MCOLN1: variants seen among roughly 807,000 people sequenced by gnomAD.
The protein encoded by MCOLN1 is mucolipin-1.
MCOLN1 carries 50 observed loss-of-function variants against 70.3 expected under a neutral mutation model. The ratio of observed to expected loss-of-function variants is 0.71; its 90% CI spans 0.57 to 0.90. The LOEUF is 0.90. Ranked by LOEUF, MCOLN1 falls within the 40% of genes least tolerant of loss-of-function variation. MCOLN1 has a pLI of 0.00. For synonymous variants in MCOLN1, 366 were observed against 341.0 expected, an observed-to-expected ratio of 1.07 and a Z score of -0.81; for missense variants, 598 against 803.5, an observed-to-expected ratio of 0.74 and a Z score of 3.09.
chr19:7,529,496 G>T, intron 10 of MCOLN1, 94 bp from the exon 11 acceptor site: 2 of 1,324,984 alleles, frequency 1.5e-6, no homozygotes, highest in Non-Finnish European at 1.0e-6. Context: ...TGTGCCCTCG[G>T]CAAGGCCCCG....
rs1283545100 is a variant in MCOLN1, at chr19:7,528,649, C to G, written c.930C>G (p.Ser310=). 6.2e-7 allele frequency: 1 copy of G among 1,614,224 alleles called. No homozygotes were observed. The highest frequency in any genetic ancestry group is 1.7e-5 in the Admixed American group (1 of 60,034). The change falls in exon 8 of 14, where the codon TCC becomes TCG. Residue 310 remains serine (S), a synonymous_variant. Coordinates refer to ENST00000264079, the MANE Select transcript of MCOLN1 (RefSeq NM_020533.3). The surrounding 1 kb of genome is among the most constrained non-coding windows in gnomAD (Gnocchi z 4.2). The part of the protein sequence containing the change: ...LFDVVVILTC[S]LSFLLCARSL... The stretch of plus-strand genomic sequence containing the variant: ...ACGTGGTGGTCATCCTCACCTGCTC[C>G]CTGTCCTTCCTCCTCTGCGCCCGCT...
Position 7,526,688 on chromosome 19 carries a change from G to T in MCOLN1, c.406-73G>T, listed in dbSNP as rs2022574351. The stretch of plus-strand genomic sequence containing the variant: ...GCAGTTGGGCGGGCAGGTGCTGGTG[G>T]GCGGGCAGGTGCAGGTGGGTGGGCT... On this transcript the variant is annotated intron_variant, in intron 3 of 13. Transcript: ENST00000264079. The surrounding 1 kb of genome is among the most constrained non-coding windows in gnomAD (Gnocchi z 4.6). 2 of 1,601,400 alleles carry T rather than the reference G, an allele frequency of 1.2e-6. No individual in the cohort carries two copies. The highest frequency in any genetic ancestry group is 1.7e-6 in the Non-Finnish European group (2 of 1,178,592).
Position 7,526,023 on chromosome 19 carries a change from T to C in MCOLN1, c.238-416T>C. The C allele has an allele frequency of 3.3e-6, 1 of 307,506 alleles. No homozygotes were observed. The highest frequency in any genetic ancestry group is 3.0e-5 in the South Asian group (1 of 33,804). The allele number at this position is 307,506 out of a possible 1,614,324, so 19.0% of individuals were successfully genotyped here. A position where few individuals can be genotyped will look rare whatever the true frequency, so the allele number is the denominator to read the frequency against. ...GTTGTAGTGAGCTGAGATCATACCA[T>C]GGCACTCCAACTTGGGCAACAGAGT... is the stretch of plus-strand genomic sequence containing the variant. On this transcript the variant is annotated intron_variant, in intron 2 of 13. Coordinates refer to ENST00000264079, the MANE Select transcript of MCOLN1 (RefSeq NM_020533.3). The surrounding 1 kb of genome is among the most constrained non-coding windows in gnomAD (Gnocchi z 4.6).
In MCOLN1 at chr19:7,525,032, C is replaced by T. The variant is rs2022548124; in HGVS notation, c.103C>T (p.Pro35Ser). ...GGGGCCTTCACCGGCCCCTCCGACA[C>T]CCCCAGAAGAGGAAGACCTTCGCCG... is the stretch of plus-strand genomic sequence containing the variant. ...QAGPSPAPPT[P>S]PEEEDLRRRL... is the part of the protein sequence containing the mutation. The change falls in exon 2 of 14, where the codon CCC becomes TCC. Residue 35 changes from proline (P) to serine (S), a missense_variant. Physicochemically the swap from Pro to Ser is moderately conservative, Grantham distance 74. Around this residue, in one of 3 missense-constraint regions of MCOLN1, gnomAD observed 461 missense variants for 588.4 expected, o/e 0.78. Transcript: ENST00000264079. The surrounding 1 kb of genome is among the most constrained non-coding windows in gnomAD (Gnocchi z 4.2). The T allele has an allele frequency of 1.9e-6, 3 of 1,613,990 alleles. No homozygotes were observed. Among genetic ancestry groups the T allele is most frequent in the Non-Finnish European group, 2.5e-6 (3 of 1,180,042 alleles).
In MCOLN1 at chr19:7,533,573, A is replaced by G; in HGVS notation, c.1626A>G (p.Ala542=). The change falls in exon 13 of 14, where the codon GCA becomes GCG. Residue 542 remains alanine (A), a synonymous_variant. Coordinates refer to ENST00000264079, the MANE Select transcript of MCOLN1 (RefSeq NM_020533.3). ...AGAGCGAGCTGCAGGCCTACATCGC[A>G]CAGTGCCAGGACAGCCCCACCTCCG... ...AEESELQAYI[A]QCQDSPTSGK... is the part of the protein sequence containing the mutation. The G allele has an allele frequency of 1.2e-6, 2 of 1,612,774 alleles. No homozygotes were observed. The highest frequency in any genetic ancestry group is 8.5e-7 in the Non-Finnish European group (1 of 1,179,972).
intron 10 of MCOLN1, 89 bp from the exon 11 acceptor site, chr19:7,529,501 G>GGGCCCCCCCC: frequency 8.0e-6 from 6 of 747,246 alleles, no homozygotes; most frequent in East Asian, 2.9e-5. Flanking sequence ...CCTCGGCAAG[G>GGGCCCCCCCC]CCCCGCCCCT....
Position 7,526,961 on chromosome 19 carries a change from C to T in MCOLN1, c.571+35C>T, listed in dbSNP as rs1200023877. The stretch of plus-strand genomic sequence containing the variant: ...CAGGACGAGGCTTCACTGTTGGGAG[C>T]CTGAGCTGCTGGGATTAAAATCAAC... On this transcript the variant is annotated intron_variant, in intron 4 of 13. Coordinates refer to ENST00000264079, the MANE Select transcript of MCOLN1 (RefSeq NM_020533.3). This position sits in a 1 kb window ranked among gnomAD's most constrained non-coding sequence, Gnocchi z 4.6. The T allele has an allele frequency of 1.9e-6, 3 of 1,613,176 alleles. No individual in the cohort carries two copies. Among genetic ancestry groups the T allele is most frequent in the Non-Finnish European group, 2.5e-6 (3 of 1,179,592 alleles).
chr19:7,529,529 G>C, intron 10 of MCOLN1, 61 bp from the exon 11 acceptor site: 1 of 1,481,640 alleles, frequency 6.7e-7, no homozygotes, highest in Non-Finnish European at 9.2e-7. Context: ...CCATCTGGGT[G>C]CCCACAGCTG....
rs1217078041 is a variant in MCOLN1, at chr19:7,525,490, C to A, written c.237+324C>A. 128 of 260,056 alleles carry A rather than the reference C, an allele frequency of 4.9e-4. No individual in the cohort carries two copies. Among genetic ancestry groups the A allele is most frequent in the Middle Eastern group, 1.5e-3 (1 of 650 alleles). 16.1% of individuals were successfully genotyped at this position (260,056 alleles called of 1,614,324 possible). A position where few individuals can be genotyped will look rare whatever the true frequency, so the allele number is the denominator to read the frequency against. ...CCTGGGCAACAGAGCAAGACTGTCT[C>A]AAAAAAAAAAAGAAGCCGACTCTGA... is the stretch of plus-strand genomic sequence containing the variant. On this transcript the variant is annotated intron_variant, in intron 2 of 13. Transcript: ENST00000264079. The surrounding 1 kb of genome is among the most constrained non-coding windows in gnomAD (Gnocchi z 4.2).
chr19:7,533,819 G>C lies in MCOLN1; in HGVS notation c.*24G>C, dbSNP rs543749105. ...GATTCGACCTGACTGCCGTTGGACC[G>C]TAGGCCCTGGACTGCAGAGACCCCC... is the stretch of plus-strand genomic sequence containing the variant. On this transcript the variant is annotated 3_prime_UTR_variant, in exon 14 of 14. Coordinates refer to ENST00000264079, the MANE Select transcript of MCOLN1 (RefSeq NM_020533.3). The C allele has an allele frequency of 6.2e-7, 1 of 1,613,842 alleles. No individual in the cohort carries two copies. The highest frequency in any genetic ancestry group is 2.2e-5 in the East Asian group (1 of 44,880).
chr19:7,531,961 C>T (rs770293174), intron 12 of MCOLN1, among the ~76,000 whole-genome samples: 5 of 152,198 alleles, frequency 3.3e-5, no homozygotes, highest in African/African-American at 7.2e-5. Flanking sequence ...CCACTGTGCC[C>T]GGCCCAGGTT....
chr19:7,526,654 C>G lies in MCOLN1; in HGVS notation c.405+48C>G. 1.9e-6 allele frequency: 2 copies of G among 1,046,858 alleles called. No individual in the cohort carries two copies. Among genetic ancestry groups the G allele is most frequent in the Non-Finnish European group, 2.6e-6 (2 of 754,882 alleles). 64.8% of individuals were successfully genotyped at this position (1,046,858 alleles called of 1,614,324 possible). A position where few individuals can be genotyped will look rare whatever the true frequency, so the allele number is the denominator to read the frequency against. On this transcript the variant is annotated intron_variant, in intron 3 of 13. Transcript: ENST00000264079. This position sits in a 1 kb window ranked among gnomAD's most constrained non-coding sequence, Gnocchi z 4.6. ...TGGTGGGCAGGCAGGTGCAGGTGGG[C>G]GGGCAGGTGCAGTTGGGCGGGCAGG...
At position 7,526,552 on chromosome 19, in the gene MCOLN1, C is replaced by T. The variant is rs377692216; in HGVS notation, c.351C>T (p.Phe117=). ...ACTCGGACGGAGCGGATGACACCTT[C>T]GCAGCCTACACGCGGGAGCAGCTGT... is the stretch of plus-strand genomic sequence containing the variant. ...LGYSDGADDT[F]AAYTREQLYQ... The change falls in exon 3 of 14, where the codon TTC becomes TTT. Residue 117 remains phenylalanine (F), a synonymous_variant. Coordinates refer to ENST00000264079, the MANE Select transcript of MCOLN1 (RefSeq NM_020533.3). The surrounding 1 kb of genome is among the most constrained non-coding windows in gnomAD (Gnocchi z 4.6). The T allele has an allele frequency of 5.6e-6, 9 of 1,614,012 alleles. No homozygotes were observed. The highest frequency in any genetic ancestry group is 4.4e-5 in the South Asian group (4 of 91,090).
chr19:7,527,292 AAAAC>A (rs1381255242), intron 4 of MCOLN1: 31 of 556,706 alleles, frequency 5.6e-5, no homozygotes, highest in East Asian at 6.3e-5. Flanking sequence ...AAAAAAAAAA[AAAAC>A]AAGTATGCTT....
intron 10 of MCOLN1, 95 bp downstream of exon 10, chr19:7,529,297 T>C: frequency 8.4e-7 from 1 of 1,186,892 alleles, no homozygotes; most frequent in East Asian, 2.4e-5. Context: ...CCCCGGCCAA[T>C]GGCCCCTTGC....
At chr19:7,530,130 C>T (rs952487500) in intron 11 of MCOLN1, among the ~76,000 whole-genome samples, 156 bp from the exon 12 acceptor site, 1 of 151,948 alleles carries the variant, frequency 6.6e-6, no homozygotes, top group African/African-American at 2.4e-5. Context: ...GCCTGGAACC[C>T]GACCATTCAC....
In MCOLN1 at chr19:7,527,285, A is replaced by C. The variant is rs539741121; in HGVS notation, c.572-235A>C. On this transcript the variant is annotated intron_variant, in intron 4 of 13. Coordinates refer to ENST00000264079, the MANE Select transcript of MCOLN1 (RefSeq NM_020533.3). ...AGACCCTGTCTCAAAAAAAAAAAAA[A>C]AAAAAAAAAACAAGTATGCTTAGTG... 930 of 546,766 alleles carry C rather than the reference A, an allele frequency of 1.7e-3. 1 individual carries two copies. Among genetic ancestry groups the C allele is most frequent in the South Asian group, 0.014 (691 of 48,028 alleles). 33.9% of individuals were successfully genotyped at this position (546,766 alleles called of 1,614,324 possible).
At position 7,524,041 on chromosome 19, in the gene MCOLN1, T is replaced by A. The variant is rs2022533160; in HGVS notation, c.32-920T>A. ...CACCTGACTATTTAAAAAAAATGTT[T>A]TTTTTTTGTAGACAGGGAGGTCTCG... On this transcript the variant is annotated intron_variant, in intron 1 of 13. Transcript: ENST00000264079. This position sits in a 1 kb window ranked among gnomAD's most constrained non-coding sequence, Gnocchi z 4.1. Among the ~76,000 whole-genome samples the A allele has an allele frequency of 6.6e-6, 1 of 152,142 alleles. No individual in the cohort carries two copies. The highest frequency in any genetic ancestry group is 2.1e-4 in the South Asian group (1 of 4,832).
rs1183859371 is a variant in MCOLN1, at chr19:7,527,183, G to T, written c.571+257G>T. 24 of 578,458 alleles carry T rather than the reference G, an allele frequency of 4.1e-5. No homozygotes were observed. The Admixed American group carries it at 6.1e-4, about 15-fold the overall frequency. 35.8% of individuals were successfully genotyped at this position (578,458 alleles called of 1,614,324 possible). On this transcript the variant is annotated intron_variant, in intron 4 of 13. Transcript: ENST00000264079. ...GCTACTCAGGAGGCTGAGGCAGGAG[G>T]ATCGCTTGAGTCCGGGAGGTTGAGG...
Sources: gnomAD v4.1 joint callset for allele counts (sites outside exome capture counted in the v4.1 genomes callset) on GRCh38, gnomAD v4.1.1 for gene constraint, gnomAD v4.1.1 regional missense constraint, Gnocchi (gnomAD v3.1) non-coding constraint, MANE v1.5 for transcripts, NCBI Gene and HGNC (gene_info 2026-07-23, HGNC 2026-07-21) for gene names.